Variants in ADARB2 observed in about 807,000 individuals in gnomAD.
The protein encoded by ADARB2 is inactive double-stranded RNA-specific editase B2.
In ADARB2, 25 loss-of-function variants were observed where a neutral mutation model predicts 62.2. That is an observed-to-expected ratio of 0.40 (90% CI 0.29 to 0.56). The LOEUF is 0.56. Ranked by LOEUF, ADARB2 falls within the 20% of genes least tolerant of loss-of-function variation. ADARB2 has a pLI of 0.43. For synonymous variants in ADARB2, 572 were observed against 500.8 expected, an observed-to-expected ratio of 1.14 and a Z score of -1.90; for missense variants, 1,071 against 1,077.4, an observed-to-expected ratio of 0.99 and a Z score of 0.08.
chr10:1,268,801 C>T (rs1188184567), intron 4 of ADARB2, among the ~76,000 whole-genome samples: 1 of 152,182 alleles, frequency 6.6e-6, no homozygotes. Context: ...CTTATGAAGT[C>T]TCATTTTCAT....
chr10:1,217,639 T>C (rs1830643910), intron 6 of ADARB2, among the ~76,000 whole-genome samples: 1 of 152,226 alleles, frequency 6.6e-6, no homozygotes, highest in African/African-American at 2.4e-5. Context: ...CAGGTGTCAG[T>C]CCCGGCTCCA....
At chr10:1,456,406 C>T (rs1240105851) in intron 1 of ADARB2, among the ~76,000 whole-genome samples, 1 of 152,200 alleles carries the variant, frequency 6.6e-6, no homozygotes, top group African/African-American at 2.4e-5. Context: ...GCTCTTCCTA[C>T]CAACCTAAAG....
chr10:1,298,387 T>C (rs1036294262), intron 3 of ADARB2, among the ~76,000 whole-genome samples: 5 of 152,152 alleles, frequency 3.3e-5, no homozygotes, highest in African/African-American at 1.2e-4. Context: ...CTCTGGGTGA[T>C]CCCGGGGGCA....
intron 1 of ADARB2, among the ~76,000 whole-genome samples, chr10:1,723,436 G>C (rs1453931340): frequency 1.3e-5 from 2 of 152,166 alleles, no homozygotes; most frequent in African/African-American, 4.8e-5. Context: ...ATTCAGGCTT[G>C]CTCTCACCAT....
intron 1 of ADARB2, among the ~76,000 whole-genome samples, chr10:1,719,257 C>A (rs1835058613): frequency 1.3e-5 from 2 of 152,188 alleles, no homozygotes; most frequent in South Asian, 4.1e-4. Flanking sequence ...AACCACCATG[C>A]CTGGCCCACC....
At chr10:1,355,285 G>C (rs1018820371) in intron 3 of ADARB2, among the ~76,000 whole-genome samples, 4 of 152,168 alleles carry the variant, frequency 2.6e-5, no homozygotes, top group African/African-American at 9.7e-5. Context: ...TCAGCCTAAA[G>C]CCCTTGGGGG....
intron 1 of ADARB2, among the ~76,000 whole-genome samples, chr10:1,383,528 T>C (rs1832501584): frequency 6.6e-6 from 1 of 152,206 alleles, no homozygotes. Flanking sequence ...ATGAGTCCCC[T>C]GAATTCATCG....
chr10:1,447,195 CA>C (rs1360533630), intron 1 of ADARB2, among the ~76,000 whole-genome samples: 1 of 152,202 alleles, frequency 6.6e-6, no homozygotes, highest in African/African-American at 2.4e-5. Context: ...TGGCTTAGAG[CA>C]GCATAGCTAG....
chr10:1,514,179 A>ATATATATATATATATG (rs1491205463), intron 1 of ADARB2, among the ~76,000 whole-genome samples: 1 of 16,370 alleles, frequency 6.1e-5, no homozygotes, highest in Non-Finnish European at 1.0e-4. Context: ...CTGTCTCAAA[A>ATATATATATATATATG]TATATATATA....
chr10:1,532,340 C>T (rs1002863280), intron 1 of ADARB2, among the ~76,000 whole-genome samples: 6 of 152,188 alleles, frequency 3.9e-5, no homozygotes, highest in African/African-American at 1.4e-4. Context: ...CAGCTGTTGA[C>T]CCTCATCATC....
chr10:1,568,562 A>AAGG (rs1832888622), intron 1 of ADARB2, among the ~76,000 whole-genome samples: 1 of 151,104 alleles, frequency 6.6e-6, no homozygotes, highest in East Asian at 1.9e-4. Context: ...GAAAGAAAAG[A>AAGG]AGGAAGGAAG....
At chr10:1,402,643 C>T (rs1041390696) in intron 1 of ADARB2, among the ~76,000 whole-genome samples, 1 of 152,148 alleles carries the variant, frequency 6.6e-6, no homozygotes, top group Non-Finnish European at 1.5e-5. Context: ...GTCATCCTGC[C>T]TTCCTCGCCA....
chr10:1,692,403 TG>T (rs1290853452), intron 1 of ADARB2, among the ~76,000 whole-genome samples: 1 of 152,190 alleles, frequency 6.6e-6, no homozygotes, highest in Non-Finnish European at 1.5e-5. Flanking sequence ...CCTGAGTCCA[TG>T]GAGTCATCTG....
At chr10:1,234,351 C>T (rs1830842349) in intron 5 of ADARB2, among the ~76,000 whole-genome samples, 1 of 152,120 alleles carries the variant, frequency 6.6e-6, no homozygotes. Flanking sequence ...ACTTCTAGAA[C>T]AGGCAGCAAT....
rs1831071914 is a variant in ADARB2, at chr10:1,255,501, C to A, written c.1193-13202G>T. Among the ~76,000 whole-genome samples, 1 of 152,246 alleles carries A rather than the reference C, an allele frequency of 6.6e-6. No homozygotes were observed. The highest frequency in any genetic ancestry group is 1.5e-5 in the Non-Finnish European group (1 of 68,044). ...TGCCAGGCTGACGCTGGCTGCTGTC[C>A]ACCTGTGATGGCCTCGGGCACTGTG... On this transcript the variant is annotated intron_variant, in intron 4 of 9. Transcript: ENST00000381312. This position sits in a 1 kb window ranked among gnomAD's most constrained non-coding sequence, Gnocchi z 4.7.
chr10:1,351,700 G>A (rs2820617), intron 3 of ADARB2, among the ~76,000 whole-genome samples: 4 of 151,478 alleles, frequency 2.6e-5, no homozygotes, highest in African/African-American at 4.9e-5. Flanking sequence ...CCTAATCACC[G>A]TTACCCCACT....
At chr10:1,653,216 G>A (rs926173263) in intron 1 of ADARB2, among the ~76,000 whole-genome samples, 2 of 152,224 alleles carry the variant, frequency 1.3e-5, no homozygotes, top group African/African-American at 2.4e-5. Flanking sequence ...GACAGGAGAT[G>A]GCGAGGAGGG....
At chr10:1,595,068 G>A (rs12765719) in intron 1 of ADARB2, among the ~76,000 whole-genome samples, 11,262 of 152,250 alleles carry the variant, frequency 0.074, 728 homozygotes, top group East Asian at 0.33. Flanking sequence ...ACAATGCAGG[G>A]AGCCAGGTGG....
chr10:1,575,092 T>C (rs567787183), intron 1 of ADARB2, among the ~76,000 whole-genome samples: 2 of 152,376 alleles, frequency 1.3e-5, no homozygotes, highest in South Asian at 2.1e-4. Flanking sequence ...TTAAGCTGAA[T>C]TGGTTTTGTG....
Sources: gnomAD v4.1 joint callset for allele counts (sites outside exome capture counted in the v4.1 genomes callset) on GRCh38, gnomAD v4.1.1 for gene constraint, Gnocchi (gnomAD v3.1) non-coding constraint, MANE v1.5 for transcripts, NCBI Gene and HGNC (gene_info 2026-07-23, HGNC 2026-07-21) for gene names.